MPP7: variants seen among roughly 807,000 people sequenced by gnomAD.
MPP7 encodes the protein MAGUK p55 subfamily member 7.
A neutral mutation model predicts 76.5 loss-of-function variants in MPP7; 60 were observed. The observed-to-expected ratio is 0.78, with a 90% confidence interval of 0.64 to 0.97. The LOEUF (loss-of-function observed/expected upper bound fraction) is 0.97. Ranked by LOEUF, MPP7 falls within the 50% of genes least tolerant of loss-of-function variation. MPP7 has a pLI of 0.00. For synonymous variants in MPP7, 237 were observed against 244.5 expected (o/e 0.97, Z 0.29); for missense variants, 641 against 694.0 (o/e 0.92, Z 0.86).
chr10:28,168,322 T>G (rs188268102), intron 3 of MPP7, among the ~76,000 whole-genome samples: 32 of 152,292 alleles, frequency 2.1e-4, no homozygotes, highest in Non-Finnish European at 4.4e-4. Context: ...TTTTTCACTC[T>G]TTTGTAGATG....
intron 1 of MPP7, among the ~76,000 whole-genome samples, chr10:28,296,220 T>C (rs1308064367): frequency 6.6e-6 from 1 of 152,118 alleles, no homozygotes; most frequent in African/African-American, 2.4e-5. Context: ...CCACCCACCT[T>C]TTCCATGCCC....
intron 13 of MPP7, among the ~76,000 whole-genome samples, chr10:28,063,607 A>T (rs117002237): frequency 0.022 from 2,627 of 117,498 alleles, 61 homozygotes; most frequent in East Asian, 0.11. Flanking sequence ...AAGGAGCATT[A>T]CCACCTGAGC....
intron 2 of MPP7, among the ~76,000 whole-genome samples, chr10:28,218,484 G>A (rs1317305149): frequency 1.3e-5 from 2 of 152,106 alleles, no homozygotes; most frequent in Non-Finnish European, 2.9e-5. Context: ...GTAAAAGATT[G>A]GCTAACTAAT....
At chr10:28,291,081 A>C (rs3936499) in intron 1 of MPP7, among the ~76,000 whole-genome samples, 24,221 of 152,202 alleles carry the variant, frequency 0.16, 2,674 homozygotes, top group East Asian at 0.53. Context: ...ACAGTTTAGG[A>C]TGTTTCTAGT....
At chr10:28,143,616 C>T (rs1337525136) in intron 5 of MPP7, among the ~76,000 whole-genome samples, 1 of 141,062 alleles carries the variant, frequency 7.1e-6, no homozygotes, top group Non-Finnish European at 1.6e-5. Flanking sequence ...TCCATGATAA[C>T]ATAACTTACA....
At chr10:28,165,352 A>C (rs1260036652) in intron 3 of MPP7, among the ~76,000 whole-genome samples, 3 of 152,062 alleles carry the variant, frequency 2.0e-5, no homozygotes, top group East Asian at 1.9e-4. Flanking sequence ...TGAGAATCCT[A>C]TCCCTATAAA....
At chr10:28,262,224 T>TTTTTTTTTTTTTTCTTC (rs1839992054) in intron 1 of MPP7, among the ~76,000 whole-genome samples, 1 of 26,250 alleles carries the variant, frequency 3.8e-5, no homozygotes, top group African/African-American at 1.2e-4. Flanking sequence ...TATATATATA[T>TTTTTTTTTTTTTTCTTC]ACATATATAT....
intron 1 of MPP7, among the ~76,000 whole-genome samples, chr10:28,255,882 T>G (rs1839769202): frequency 6.6e-6 from 1 of 152,216 alleles, no homozygotes; most frequent in Non-Finnish European, 1.5e-5. Flanking sequence ...CTAAAAAGTT[T>G]GTAGAGAGGC....
intron 1 of MPP7, among the ~76,000 whole-genome samples, chr10:28,299,016 C>T (rs935738297): frequency 2.6e-5 from 4 of 152,216 alleles, no homozygotes; most frequent in African/African-American, 9.7e-5. Flanking sequence ...AATGTTGTGG[C>T]TGGTCTGATC....
chr10:28,172,240 G>T (rs1437982228), intron 3 of MPP7, among the ~76,000 whole-genome samples: 1 of 152,166 alleles, frequency 6.6e-6, no homozygotes, highest in African/African-American at 2.4e-5. Context: ...ACATACTACA[G>T]ATTTTTAAAA....
intron 1 of MPP7, among the ~76,000 whole-genome samples, chr10:28,249,924 G>A (rs1387088803): frequency 6.6e-6 from 1 of 151,398 alleles, no homozygotes; most frequent in Non-Finnish European, 1.5e-5. Flanking sequence ...GTGCACATTT[G>A]AAATTTTTGT....
At chr10:28,139,520 T>C (rs1835446084) in intron 5 of MPP7, among the ~76,000 whole-genome samples, 1 of 152,076 alleles carries the variant, frequency 6.6e-6, no homozygotes, top group Non-Finnish European at 1.5e-5. Context: ...GAAACACACA[T>C]ACATACACAC....
At chr10:28,122,387 G>C (rs982181648) in intron 8 of MPP7, among the ~76,000 whole-genome samples, 1 of 152,078 alleles carries the variant, frequency 6.6e-6, no homozygotes, top group African/African-American at 2.4e-5. Flanking sequence ...GAATATTTTT[G>C]AAAAATTTTG....
intron 2 of MPP7, among the ~76,000 whole-genome samples, chr10:28,319,299 C>T (rs1834347119): frequency 6.6e-6 from 1 of 152,196 alleles, no homozygotes; most frequent in Admixed American, 6.5e-5. Context: ...CACCAGGTTC[C>T]TCCACCAACA....
At position 28,268,734 on chromosome 10, in the gene MPP7, C is replaced by CAA. The variant is rs764435309; in HGVS notation, c.-131-30001_-131-30000dup. 7.3e-3 allele frequency among the ~76,000 whole-genome samples: 687 copies of CAA among 94,710 alleles called. 8 individuals carry two copies. The highest frequency in any genetic ancestry group is 0.025 in the African/African-American group (669 of 26,282). The allele number at this position is 94,710 out of a possible 152,430, so 62.1% of individuals were successfully genotyped here. On this transcript the variant is annotated intron_variant, in intron 1 of 16. Coordinates refer to ENST00000683449, the MANE Select transcript of MPP7 (RefSeq NM_001318170.2). ...TCGATGACGGAGTGAGACTCTGTCT[C>CAA]AAAAAAAAAAAAAAAGGCAATTGTA...
intron 13 of MPP7, among the ~76,000 whole-genome samples, chr10:28,069,126 T>C (rs1353560882): frequency 6.6e-6 from 1 of 152,096 alleles, no homozygotes; most frequent in East Asian, 1.9e-4. Flanking sequence ...AAAAAGAAAA[T>C]AGTTACAAAG....
At chr10:28,157,430 G>A (rs762322386) in intron 3 of MPP7, among the ~76,000 whole-genome samples, 2 of 152,172 alleles carry the variant, frequency 1.3e-5, no homozygotes, top group East Asian at 3.9e-4. Context: ...AATGTGGAGT[G>A]TATTCCAATG....
chr10:28,169,331 A>AAAC lies in MPP7; in HGVS notation c.157-19273_157-19272insGTT, dbSNP rs544103167. On this transcript the variant is annotated intron_variant, in intron 3 of 16. Transcript: ENST00000683449. The stretch of plus-strand genomic sequence containing the variant: ...CACAACAAGACCCTGTCTCTTAAAA[A>AAAC]AAAAAATTAATTAGCCAGGAAAGGT... 2.2e-4 allele frequency among the ~76,000 whole-genome samples: 33 copies of AAAC among 152,162 alleles called. No homozygotes were observed. The South Asian group carries it at 5.4e-3, about 25-fold the overall frequency.
intron 1 of MPP7, among the ~76,000 whole-genome samples, chr10:28,297,953 G>A (rs200401858): frequency 1.3e-5 from 2 of 152,184 alleles, no homozygotes; most frequent in East Asian, 3.9e-4. Flanking sequence ...TCATTCAGAA[G>A]AAGCAACTCT....
Sources: gnomAD v4.1 joint callset for allele counts (sites outside exome capture counted in the v4.1 genomes callset) on GRCh38, gnomAD v4.1.1 for gene constraint, MANE v1.5 for transcripts, NCBI Gene and HGNC (gene_info 2026-07-23, HGNC 2026-07-21) for gene names.